CELF2: variants seen among roughly 807,000 people sequenced by gnomAD.
CELF2 encodes the protein CUG triplet repeat RNA-binding protein 2.
A neutral mutation model predicts 62.6 loss-of-function variants in CELF2; 8 were observed. The ratio of observed to expected loss-of-function variants is 0.13; its 90% confidence interval spans 0.07 to 0.23. The LOEUF is 0.23. Ranked by LOEUF, CELF2 falls within the 10% of genes least tolerant of loss-of-function variation. The pLI is 1.00. For synonymous variants in CELF2, 258 were observed against 250.0 expected (o/e 1.03, Z -0.30); for missense variants, 333 against 671.0 (o/e 0.50, Z 5.56).
the CELF2 span, among the ~76,000 whole-genome samples, chr10:10,556,301 T>G: frequency 6.6e-6 from 1 of 151,926 alleles, no homozygotes; most frequent in South Asian, 2.1e-4. Flanking sequence ...TTTGTTCTTG[T>G]GATAGTTTAC....
chr10:10,606,987 T>A, the CELF2 span, among the ~76,000 whole-genome samples: 1 of 152,322 alleles, frequency 6.6e-6, no homozygotes, highest in East Asian at 1.9e-4. Context: ...AACAATTCTA[T>A]GGCTATTTTA....
chr10:11,252,359 G>A (rs1430598251), intron 4 of CELF2, among the ~76,000 whole-genome samples: 1 of 152,210 alleles, frequency 6.6e-6, no homozygotes, highest in African/African-American at 2.4e-5. Flanking sequence ...TGAGTTTGCT[G>A]ACATTTATGG....
At position 11,335,182 on chromosome 10, in the gene CELF2, C is replaced by T. The variant is rs1251502092; in HGVS notation, c.*6129C>T. 6.6e-6 allele frequency: 1 copy of T among 152,450 alleles called. No homozygotes were observed. Among genetic ancestry groups the T allele is most frequent in the Non-Finnish European group, 1.5e-5 (1 of 68,128 alleles). 9.4% of individuals were successfully genotyped at this position (152,450 alleles called of 1,614,324 possible). A position where few individuals can be genotyped will look rare whatever the true frequency, so the allele number is the denominator to read the frequency against. ...CCTAAGTCTCGTCCCCACTGTCACC[C>T]CAAGGCCAGTTATCAAAAACTGTTC... On this transcript the variant is annotated 3_prime_UTR_variant, in exon 13 of 13. Coordinates refer to ENST00000633077, the MANE Select transcript of CELF2 (RefSeq NM_001326342.2). The surrounding 1 kb of genome is among the most constrained non-coding windows in gnomAD (Gnocchi z 5.0).
chr10:10,811,815 T>A (rs944803606), intron 1 of CELF2, among the ~76,000 whole-genome samples: 14 of 152,124 alleles, frequency 9.2e-5, no homozygotes, highest in African/African-American at 1.7e-4. Context: ...GATGAAATCA[T>A]TTGTGTTGAG....
At chr10:10,594,337 A>T in the CELF2 span, among the ~76,000 whole-genome samples, 1 of 152,216 alleles carries the variant, frequency 6.6e-6, no homozygotes, top group South Asian at 2.1e-4. Context: ...ATGAGAGGTA[A>T]GTTTGAGATG....
the CELF2 span, among the ~76,000 whole-genome samples, chr10:10,638,911 A>G: frequency 6.6e-6 from 1 of 152,230 alleles, no homozygotes; most frequent in Non-Finnish European, 1.5e-5. Context: ...ATCTCATTAC[A>G]AAAGTCAATG....
chr10:10,537,835 G>C, the CELF2 span, among the ~76,000 whole-genome samples: 2 of 152,174 alleles, frequency 1.3e-5, no homozygotes, highest in Non-Finnish European at 2.9e-5. Context: ...CATTACAGGT[G>C]CATAATCGAC....
At chr10:10,713,106 C>CTTTTGT in the CELF2 span, among the ~76,000 whole-genome samples, 1 of 152,150 alleles carries the variant, frequency 6.6e-6, no homozygotes, top group Non-Finnish European at 1.5e-5. Flanking sequence ...AAACCTTTGC[C>CTTTTGT]TACTGTTCCT....
intron 1 of CELF2, among the ~76,000 whole-genome samples, chr10:11,127,253 A>G (rs1210848779): frequency 6.6e-6 from 1 of 152,154 alleles, no homozygotes; most frequent in African/African-American, 2.4e-5. Context: ...ATAGTATTCC[A>G]TGGTGTATAT....
At chr10:10,994,018 T>C (rs1418189909) in intron 2 of CELF2, among the ~76,000 whole-genome samples, 1 of 152,214 alleles carries the variant, frequency 6.6e-6, no homozygotes, top group Non-Finnish European at 1.5e-5. Context: ...TCCAGAACTG[T>C]GAGAAATAAA....
Position 10,947,795 on chromosome 10 carries a change from G to C in CELF2, c.89+27796G>C, listed in dbSNP as rs2047865292. ...AGAAGAAAAATATGGCATTTGAGGA[G>C]AGAGAAAATGCTTCTAGTATGGGGC... On this transcript the variant is annotated intron_variant, in intron 2 of 13. Coordinates refer to the CELF2 transcript ENST00000636488. This position sits in a 1 kb window ranked among gnomAD's most constrained non-coding sequence, Gnocchi z 4.1. Among the ~76,000 whole-genome samples the C allele has an allele frequency of 6.6e-6, 1 of 152,188 alleles. No homozygotes were observed. The highest frequency in any genetic ancestry group is 2.4e-5 in the African/African-American group (1 of 41,442).
At chr10:11,131,468 G>T (rs1175395350) in intron 1 of CELF2, among the ~76,000 whole-genome samples, 1 of 152,224 alleles carries the variant, frequency 6.6e-6, no homozygotes, top group East Asian at 1.9e-4. Flanking sequence ...TGATAAACCT[G>T]TTCTGAAAGC....
chr10:10,765,578 A>G, the CELF2 span, among the ~76,000 whole-genome samples: 22 of 152,302 alleles, frequency 1.4e-4, no homozygotes, highest in Middle Eastern at 3.4e-3. Flanking sequence ...AAAACCAATC[A>G]GTCACAGAGT....
In CELF2 at chr10:11,321,469, T is replaced by A; in HGVS notation, c.1294+83T>A. The A allele has an allele frequency of 9.3e-7, 1 of 1,076,492 alleles. No homozygotes were observed. The highest frequency in any genetic ancestry group is 1.4e-5 in the South Asian group (1 of 70,630). The allele number at this position is 1,076,492 out of a possible 1,614,324, so 66.7% of individuals were successfully genotyped here. On this transcript the variant is annotated intron_variant, in intron 11 of 12. Coordinates refer to ENST00000633077, the MANE Select transcript of CELF2 (RefSeq NM_001326342.2). This position sits in a 1 kb window ranked among gnomAD's most constrained non-coding sequence, Gnocchi z 6.2. ...AGAGCACGGTTAGAAGGTATCAAAT[T>A]GAACTGAACCCATGTCATAACAGAA... is the stretch of plus-strand genomic sequence containing the variant.
At chr10:11,323,424 A>AAATAATAAGAAT (rs1555123562) in intron 11 of CELF2, among the ~76,000 whole-genome samples, 1 of 141,650 alleles carries the variant, frequency 7.1e-6, no homozygotes, top group Non-Finnish European at 1.5e-5. Flanking sequence ...GGCAGAGCAA[A>AAATAATAAGAAT]AATAATAATA....
At chr10:10,633,460 G>C in the CELF2 span, among the ~76,000 whole-genome samples, 12 of 151,960 alleles carry the variant, frequency 7.9e-5, no homozygotes, top group African/African-American at 2.9e-4. Context: ...ATTTCCAACT[G>C]TTTGTATCCA....
the CELF2 span, among the ~76,000 whole-genome samples, chr10:10,579,655 C>T: frequency 1.3e-5 from 2 of 152,072 alleles, no homozygotes; most frequent in Non-Finnish European, 2.9e-5. Flanking sequence ...ATAATAGAGG[C>T]AATGTTACCC....
Position 11,325,995 on chromosome 10 carries a change from T to C in CELF2, c.1438+16T>C. On this transcript the variant is annotated intron_variant, in intron 12 of 12. Coordinates refer to ENST00000633077, the MANE Select transcript of CELF2 (RefSeq NM_001326342.2). ...AAGTGCTTTGGTATGCAAAAGAAAC[T>C]AAGCTAGTATATTGCAGTAGGTTCC... is the stretch of plus-strand genomic sequence containing the variant. 6.2e-7 allele frequency: 1 copy of C among 1,604,610 alleles called. No individual in the cohort carries two copies. The highest frequency in any genetic ancestry group is 1.1e-5 in the South Asian group (1 of 89,316).
chr10:11,259,365 A>G (rs1013997040), intron 5 of CELF2, among the ~76,000 whole-genome samples: 4 of 151,642 alleles, frequency 2.6e-5, no homozygotes, highest in Non-Finnish European at 4.4e-5. Flanking sequence ...AGTCTACAGG[A>G]GAACTAGGAG....
Sources: allele counts gnomAD v4.1 joint callset (sites outside exome capture counted in the v4.1 genomes callset), GRCh38; gene constraint gnomAD v4.1.1; non-coding constraint Gnocchi (gnomAD v3.1); transcripts MANE v1.5; gene names NCBI Gene and HGNC (gene_info 2026-07-23, HGNC 2026-07-21).